The following KREMEN1 variants were observed in gnomAD, a reference collection of about 807,000 sequenced individuals.
KREMEN1 encodes the protein kremen protein 1.
KREMEN1 carries 30 observed loss-of-function variants against 46.5 expected under a neutral mutation model. The observed-to-expected ratio is 0.65, with a 90% CI of 0.48 to 0.88. The LOEUF (loss-of-function observed/expected upper bound fraction) is 0.88. KREMEN1 is among the 40% of genes least tolerant of loss of function. KREMEN1 has a pLI of 0.00. For missense variants in KREMEN1, 533 were observed against 596.9 expected, an observed-to-expected ratio of 0.89 and a Z score of 1.11; for synonymous variants, 214 against 230.6, an observed-to-expected ratio of 0.93 and a Z score of 0.65.
intron 6 of KREMEN1, among the ~76,000 whole-genome samples, chr22:29,137,914 A>G (rs1266114520): frequency 6.6e-6 from 1 of 152,226 alleles, no homozygotes; most frequent in Non-Finnish European, 1.5e-5. Context: ...TAGTAGGTCT[A>G]ATGACAGTTT....
intron 8 of KREMEN1, among the ~76,000 whole-genome samples, chr22:29,141,293 G>C (rs976652099): frequency 7.1e-6 from 1 of 140,878 alleles, no homozygotes; most frequent in Non-Finnish European, 1.5e-5. Context: ...GTCTGTGTGT[G>C]TGTGTCTGTG....
chr22:29,147,316 C>A (rs1043337752), downstream of KREMEN1, among the ~76,000 whole-genome samples: 3 of 152,236 alleles, frequency 2.0e-5, no homozygotes, highest in Admixed American at 2.0e-4. Flanking sequence ...CTTCTTGCCC[C>A]ACACTTTCCT....
At position 29,108,080 on chromosome 22, in the gene KREMEN1, G is replaced by C. The variant is rs530876934; in HGVS notation, c.352+9127G>C. On this transcript the variant is annotated intron_variant, in intron 3 of 8. Transcript: ENST00000400335. ...ATGGGCAGATCGCTTGAGCCCACGA[G>C]TTCAACGCCAGCCTGGGCAATGTGG... Among the ~76,000 whole-genome samples the C allele has an allele frequency of 1.3e-5, 2 of 152,248 alleles. 1 individual carries two copies. The highest frequency in any genetic ancestry group is 4.1e-4 in the South Asian group (2 of 4,836).
intron 3 of KREMEN1, among the ~76,000 whole-genome samples, chr22:29,119,616 G>T (rs1353851865): frequency 6.6e-6 from 1 of 152,214 alleles, no homozygotes; most frequent in Non-Finnish European, 1.5e-5. Context: ...CAGAGACCAA[G>T]TGTCACGGGG....
chr22:29,127,156 G>A (rs937112426), intron 5 of KREMEN1, among the ~76,000 whole-genome samples: 7 of 152,106 alleles, frequency 4.6e-5, no homozygotes, highest in South Asian at 2.1e-4. Flanking sequence ...TATCACATTC[G>A]GTTCTCTTGG....
At chr22:29,081,036 C>G (rs922153578) in intron 1 of KREMEN1, among the ~76,000 whole-genome samples, 1 of 146,362 alleles carries the variant, frequency 6.8e-6, no homozygotes, top group East Asian at 2.0e-4. Flanking sequence ...ATGTGCACAA[C>G]GTGCAGGTTA....
chr22:29,135,921 C>A (rs148529144), intron 5 of KREMEN1, among the ~76,000 whole-genome samples: 1 of 152,116 alleles, frequency 6.6e-6, no homozygotes, highest in African/African-American at 2.4e-5. Flanking sequence ...AAGCAGCATT[C>A]ACTTGTTGTT....
At chr22:29,111,173 T>C (rs1199841523) in intron 3 of KREMEN1, among the ~76,000 whole-genome samples, 1 of 151,730 alleles carries the variant, frequency 6.6e-6, no homozygotes, top group Non-Finnish European at 1.5e-5. Flanking sequence ...CCAGCCATGG[T>C]AGTACACACT....
intron 3 of KREMEN1, among the ~76,000 whole-genome samples, chr22:29,108,728 G>A (rs1331573170): frequency 6.6e-6 from 1 of 152,214 alleles, no homozygotes; most frequent in African/African-American, 2.4e-5. Flanking sequence ...ATCAGCTGCT[G>A]CAGTGGCTGC....
chr22:29,127,815 C>A (rs577707874), intron 5 of KREMEN1, among the ~76,000 whole-genome samples: 16 of 152,132 alleles, frequency 1.1e-4, no homozygotes, highest in South Asian at 4.2e-4. Context: ...TCATAATAGC[C>A]AAAAAGCGGC....
downstream of KREMEN1, among the ~76,000 whole-genome samples, chr22:29,151,043 C>G (rs1015234533): frequency 6.6e-6 from 1 of 152,128 alleles, no homozygotes; most frequent in African/African-American, 2.4e-5. Flanking sequence ...CTCCGGAAAG[C>G]CCAGGGAAAG....
intron 5 of KREMEN1, among the ~76,000 whole-genome samples, chr22:29,127,534 G>A (rs908098298): frequency 3.3e-5 from 5 of 152,050 alleles, no homozygotes; most frequent in Admixed American, 1.3e-4. Flanking sequence ...GGTGGCACAC[G>A]TGCCTGTAAT....
chr22:29,088,298 C>T (rs192962885), intron 1 of KREMEN1, among the ~76,000 whole-genome samples: 98 of 120,832 alleles, frequency 8.1e-4, no homozygotes, highest in African/African-American at 2.8e-3. Context: ...CACGCGTGCA[C>T]GCGTGCATAC....
chr22:29,085,421 G>T (rs1344335529), intron 1 of KREMEN1, among the ~76,000 whole-genome samples: 1 of 151,972 alleles, frequency 6.6e-6, no homozygotes, highest in African/African-American at 2.4e-5. Flanking sequence ...TAAATGCTAA[G>T]GATTCCTTTC....
intron 9 of KREMEN1, among the ~76,000 whole-genome samples, chr22:29,161,504 CTCAAAAAAAAAAAAAAA>C (rs1191270286): frequency 1.1e-4 from 4 of 35,404 alleles, no homozygotes; most frequent in Non-Finnish European, 1.5e-4. Flanking sequence ...GAGACTCCAT[CTCAAAAAAAAAAAAAAA>C]AAAAAAAAAA....
chr22:29,115,630 G>C (rs995861036), intron 3 of KREMEN1, among the ~76,000 whole-genome samples: 2 of 152,140 alleles, frequency 1.3e-5, no homozygotes, highest in Non-Finnish European at 2.9e-5. Flanking sequence ...TAATCAGGTA[G>C]AGAGACAAGT....
At chr22:29,117,159 G>A (rs531605990) in intron 3 of KREMEN1, among the ~76,000 whole-genome samples, 1 of 152,278 alleles carries the variant, frequency 6.6e-6, no homozygotes, top group Non-Finnish European at 1.5e-5. Flanking sequence ...CTGTGTGTGT[G>A]TGTGTACATG....
chr22:29,156,232 A>G (rs2038960067), intron 9 of KREMEN1, among the ~76,000 whole-genome samples: 1 of 152,226 alleles, frequency 6.6e-6, no homozygotes, highest in African/African-American at 2.4e-5. Flanking sequence ...CTCCCAGTGC[A>G]GGGAGTCTCC....
At chr22:29,079,471 AC>A (rs1195474654) in intron 1 of KREMEN1, among the ~76,000 whole-genome samples, 4 of 152,176 alleles carry the variant, frequency 2.6e-5, no homozygotes, top group Non-Finnish European at 5.9e-5. Flanking sequence ...AAAGCATTAA[AC>A]TTTTATTGTT....
Sources: gnomAD v4.1 joint callset for allele counts (sites outside exome capture counted in the v4.1 genomes callset) on GRCh38, gnomAD v4.1.1 for gene constraint, MANE v1.5 for transcripts, NCBI Gene and HGNC (gene_info 2026-07-23, HGNC 2026-07-21) for gene names.